Variants in DCAKD observed in about 807,000 individuals in gnomAD.
The protein encoded by DCAKD is dephospho-CoA kinase domain containing.
In DCAKD, 15 loss-of-function variants were observed where a neutral mutation model predicts 18.7. That is an observed-to-expected ratio of 0.80 (90% CI 0.54 to 1.24). DCAKD has a LOEUF of 1.24. DCAKD is among the 50% of genes most tolerant of loss of function. DCAKD has a pLI of 0.00. For synonymous variants in DCAKD, 130 were observed against 133.0 expected (o/e 0.98, Z 0.16); for missense variants, 301 against 322.0 (o/e 0.93, Z 0.50).
chr17:45,030,102 C>T lies in DCAKD; in HGVS notation c.394G>A (p.Val132Ile), dbSNP rs1024118921. ...KLLKYMKHTV[V>I]VYCDRDTQLA... ...ATGCTACACACTCACCAGTATACTACCACGGTGTGCTTCATGTACTTGAGC... is the reference window on the plus strand; with the variant it reads ...ATGCTACACACTCACCAGTATACTATCACGGTGTGCTTCATGTACTTGAGC... Residue 132 changes from valine (V) to isoleucine (I), a missense_variant, in exon 4 of 5, where the codon GTA becomes ATA. By Grantham distance (29) the Val-to-Ile change is conservative. Coordinates refer to ENST00000651974, the MANE Select transcript of DCAKD (RefSeq NM_001288655.2). The T allele has an allele frequency of 8.7e-6, 14 of 1,613,790 alleles. No individual in the cohort carries two copies. Among genetic ancestry groups the T allele is most frequent in the African/African-American group, 1.3e-5 (1 of 74,898 alleles).
In DCAKD at chr17:45,034,791, TCCA is replaced by T. The variant is rs549351627; in HGVS notation, c.92_94del (p.Val31del). 6.2e-7 allele frequency: 1 copy of T among 1,614,144 alleles called. No individual in the cohort carries two copies. The highest frequency in any genetic ancestry group is 1.1e-5 in the South Asian group (1 of 91,066). ...CAACTCACCGTGCCGGGCCATCACG[TCCA>T]CGTCAATCACCGCACAGCCCAGCTG... On this transcript the variant is annotated inframe_deletion, in exon 2 of 5. Coordinates refer to ENST00000651974, the MANE Select transcript of DCAKD (RefSeq NM_001288655.2).
At chr17:45,060,171 G>A (rs1485916886) in intron 1 of DCAKD, among the ~76,000 whole-genome samples, 1 of 152,252 alleles carries the variant, frequency 6.6e-6, no homozygotes, top group African/African-American at 2.4e-5. Flanking sequence ...CTTGTTGAGA[G>A]GATTAAATGA....
At chr17:45,027,635 C>G (rs2053081405) in intron 4 of DCAKD, among the ~76,000 whole-genome samples, 2 of 152,176 alleles carry the variant, frequency 1.3e-5, no homozygotes, top group Admixed American at 6.5e-5. Flanking sequence ...CAAAGCCCCA[C>G]TCACCCACCA....
intron 1 of DCAKD, among the ~76,000 whole-genome samples, chr17:45,043,478 C>T (rs2053487803): frequency 6.6e-6 from 1 of 152,166 alleles, no homozygotes; most frequent in South Asian, 2.1e-4. Flanking sequence ...GCCATGGTGC[C>T]CAGCTGAGGA....
intron 3 of DCAKD, among the ~76,000 whole-genome samples, chr17:45,030,615 G>T (rs1475505288): frequency 6.6e-6 from 1 of 152,208 alleles, no homozygotes; most frequent in East Asian, 1.9e-4. Context: ...ATCTCAAGTT[G>T]TTATTTCTCA....
At chr17:45,024,745 C>G (rs370222926) in intron 4 of DCAKD, 21 bp from the exon 5 acceptor site, 9 of 1,538,312 alleles carry the variant, frequency 5.9e-6, no homozygotes, top group Middle Eastern at 2.2e-4. Flanking sequence ...GGCAAAAGGG[C>G]ACTGTAGGTC....
intron 3 of DCAKD, among the ~76,000 whole-genome samples, chr17:45,032,844 G>C (rs964097775): frequency 6.6e-6 from 1 of 152,020 alleles, no homozygotes; most frequent in African/African-American, 2.4e-5. Flanking sequence ...GTGACTGAGA[G>C]TGGGGTGACA....
At chr17:45,049,003 G>A (rs1438614440) in intron 1 of DCAKD, among the ~76,000 whole-genome samples, 8 of 148,682 alleles carry the variant, frequency 5.4e-5, no homozygotes, top group African/African-American at 1.7e-4. Flanking sequence ...TATTGCTTGA[G>A]CCCAAGAGGT....
At chr17:45,050,185 C>T (rs2053661317) in intron 1 of DCAKD, among the ~76,000 whole-genome samples, 1 of 151,928 alleles carries the variant, frequency 6.6e-6, no homozygotes, top group Admixed American at 6.6e-5. Context: ...GGACTACAGG[C>T]ATGCACCACC....
intron 1 of DCAKD, among the ~76,000 whole-genome samples, chr17:45,035,582 T>A (rs1014949565): frequency 6.6e-6 from 1 of 151,538 alleles, no homozygotes; most frequent in East Asian, 1.9e-4. Context: ...GCATGCTTCC[T>A]GGACGAGGCA....
rs2053236124 is a variant in DCAKD, at chr17:45,034,224, C to G, written c.279G>C (p.Lys93Asn). 1.2e-6 allele frequency: 2 copies of G among 1,614,100 alleles called. No individual in the cohort carries two copies. Among genetic ancestry groups the G allele is most frequent in the African/African-American group, 2.7e-5 (2 of 75,020 alleles). ...LNAITHPEIR[K>N]EMMKETFKYF... Reference sequence around the variant, plus strand: ...ACTTGAACGTCTCCTTCATCATCTCCTTGCGAATCTCGGGGTGGGTGATGG... The same window carrying G: ...ACTTGAACGTCTCCTTCATCATCTCGTTGCGAATCTCGGGGTGGGTGATGG... Residue 93 changes from lysine to asparagine, a missense_variant, in exon 3 of 5, where the codon AAG becomes AAC. Lys to Asn is a moderately conservative substitution (Grantham distance 94). Coordinates refer to ENST00000651974, the MANE Select transcript of DCAKD (RefSeq NM_001288655.2).
intron 1 of DCAKD, among the ~76,000 whole-genome samples, chr17:45,059,014 G>A (rs1342333036): frequency 6.6e-6 from 1 of 152,178 alleles, no homozygotes; most frequent in Non-Finnish European, 1.5e-5. Flanking sequence ...GCCGAGGCGG[G>A]CAGATCACGA....
At chr17:45,036,187 TCA>T (rs1338246239) in intron 1 of DCAKD, among the ~76,000 whole-genome samples, 1 of 152,098 alleles carries the variant, frequency 6.6e-6, no homozygotes. Flanking sequence ...TCCCTGAACC[TCA>T]GTTTTCTCAT....
chr17:45,037,272 C>T (rs1380058936), intron 1 of DCAKD, among the ~76,000 whole-genome samples: 1 of 151,960 alleles, frequency 6.6e-6, no homozygotes, highest in Admixed American at 6.6e-5. Context: ...TCGAGGCCAG[C>T]CTGGGCAATA....
At chr17:45,044,202 A>G (rs2053509212) in intron 1 of DCAKD, among the ~76,000 whole-genome samples, 2 of 152,040 alleles carry the variant, frequency 1.3e-5, no homozygotes, top group Admixed American at 1.3e-4. Flanking sequence ...TCCTCCCAGC[A>G]TCTCCAACCA....
In DCAKD at chr17:45,035,022, A is replaced by G. The variant is rs569713939; in HGVS notation, c.-114-23T>C. 376 of 830,700 alleles carry G rather than the reference A, an allele frequency of 4.5e-4. 1 individual carries two copies. The highest frequency in any genetic ancestry group is 4.4e-4 in the Non-Finnish European group (227 of 516,090). The allele number at this position is 830,700 out of a possible 1,614,324, so 51.5% of individuals were successfully genotyped here. On this transcript the variant is annotated intron_variant, in intron 1 of 4. Coordinates refer to ENST00000651974, the MANE Select transcript of DCAKD (RefSeq NM_001288655.2). ...GACCTGCTTGGGAGAGGCCAGCGGG[A>G]CTGATCAGTTTGGGCCAAAATAATT...
chr17:45,031,022 T>A, intron 3 of DCAKD: 1 of 985,324 alleles, frequency 1.0e-6, no homozygotes, highest in Non-Finnish European at 1.2e-6. Context: ...TGTGCATGTG[T>A]ACAAAGCTGG....
chr17:45,033,088 G>A (rs115067340), intron 3 of DCAKD, among the ~76,000 whole-genome samples: 3,894 of 152,294 alleles, frequency 0.026, 175 homozygotes, highest in African/African-American at 0.09. Context: ...GCTCATGCCT[G>A]TAATCCCAGC....
At chr17:45,035,361 A>G (rs1340401720) in intron 1 of DCAKD, among the ~76,000 whole-genome samples, 1 of 151,704 alleles carries the variant, frequency 6.6e-6, no homozygotes, top group African/African-American at 2.4e-5. Context: ...TGCACCTAGA[A>G]TTCCAGTTAC....
Sources: gnomAD v4.1 joint callset for allele counts (sites outside exome capture counted in the v4.1 genomes callset) on GRCh38, gnomAD v4.1.1 for gene constraint, MANE v1.5 for transcripts, NCBI Gene and HGNC (gene_info 2026-07-23, HGNC 2026-07-21) for gene names.